DCC: variants seen among roughly 807,000 people sequenced by gnomAD.
DCC encodes the protein DCC netrin 1 receptor, also known as netrin receptor DCC.
Under a neutral mutation model 172.5 loss-of-function variants are expected in DCC, and 58 were observed. The ratio of observed to expected loss-of-function variants is 0.34; its 90% CI spans 0.27 to 0.42. The LOEUF (loss-of-function observed/expected upper bound fraction) is 0.42. Among genes scored for constraint, DCC ranks in the 10% least tolerant of loss-of-function variants. DCC has a pLI of 1.00. For missense variants in DCC, 1,740 were observed against 1,791.0 expected (o/e 0.97, Z 0.51); for synonymous variants, 709 against 644.5 (o/e 1.10, Z -1.52).
chr18:53,227,589 A>G (rs2056053745), intron 12 of DCC, among the ~76,000 whole-genome samples: 1 of 152,204 alleles, frequency 6.6e-6, no homozygotes. Flanking sequence ...TGGATTTGTC[A>G]GATACATTGA....
chr18:53,015,862 C>G (rs1290284593), intron 5 of DCC, among the ~76,000 whole-genome samples: 1 of 152,036 alleles, frequency 6.6e-6, no homozygotes, highest in Non-Finnish European at 1.5e-5. Context: ...TAAACTCTTA[C>G]TACCATTAAT....
Position 53,093,838 on chromosome 18 carries a change from G to A in DCC, c.1261+27672G>A, listed in dbSNP as rs190458797. Among the ~76,000 whole-genome samples, 33 of 152,200 alleles carry A rather than the reference G, an allele frequency of 2.2e-4. No individual in the cohort carries two copies. The East Asian group carries it at 2.7e-3, about 12-fold the overall frequency. On this transcript the variant is annotated intron_variant, in intron 7 of 28. Transcript: ENST00000442544. ...TAGGCATGACAGATTTGTATTCAGC[G>A]ATAAACGCCTGACCTTGCTCTACTC... is the stretch of plus-strand genomic sequence containing the variant.
chr18:53,163,593 G>A (rs2054874988), intron 8 of DCC, among the ~76,000 whole-genome samples: 1 of 152,116 alleles, frequency 6.6e-6, no homozygotes, highest in African/African-American at 2.4e-5. Flanking sequence ...GAATCTTTCT[G>A]ACTTGTTAAT....
chr18:52,623,987 C>T (rs1036888930), intron 1 of DCC, among the ~76,000 whole-genome samples: 1 of 152,124 alleles, frequency 6.6e-6, no homozygotes, highest in Non-Finnish European at 1.5e-5. Flanking sequence ...CCGCTTCTTT[C>T]CCTAGAAATT....
chr18:52,345,384 C>G (rs774394715), intron 1 of DCC, among the ~76,000 whole-genome samples: 7 of 152,182 alleles, frequency 4.6e-5, no homozygotes, highest in Non-Finnish European at 1.0e-4. Context: ...TCTTCTTCCC[C>G]CTCTTTTTCC....
At chr18:52,756,723 G>A (rs2037082029) in intron 2 of DCC, among the ~76,000 whole-genome samples, 1 of 152,116 alleles carries the variant, frequency 6.6e-6, no homozygotes, top group Admixed American at 6.6e-5. Context: ...AACGTTGCCA[G>A]CTATCTGAGC....
At chr18:52,573,660 C>T (rs1199813018) in intron 1 of DCC, among the ~76,000 whole-genome samples, 1 of 152,182 alleles carries the variant, frequency 6.6e-6, no homozygotes, top group Non-Finnish European at 1.5e-5. Context: ...TTCTATTTCA[C>T]TGGTTGACCT....
intron 5 of DCC, among the ~76,000 whole-genome samples, chr18:52,929,044 C>T (rs2040262314): frequency 6.6e-6 from 1 of 152,050 alleles, no homozygotes; most frequent in African/African-American, 2.4e-5. Context: ...GATCCAGGCT[C>T]CCCTCAAACC....
intron 24 of DCC, among the ~76,000 whole-genome samples, chr18:53,466,344 C>G (rs2045620749): frequency 6.6e-6 from 1 of 151,652 alleles, no homozygotes; most frequent in Non-Finnish European, 1.5e-5. Context: ...ATCCTTATTT[C>G]CCTCTTCTCT....
chr18:53,457,096 T>A (rs1023793255), intron 23 of DCC, among the ~76,000 whole-genome samples: 5 of 152,210 alleles, frequency 3.3e-5, no homozygotes, highest in Non-Finnish European at 7.3e-5. Context: ...GCTTCTTGAC[T>A]GACAGTCAGC....
At chr18:53,520,781 C>T (rs186890905) in intron 27 of DCC, among the ~76,000 whole-genome samples, 1 of 152,164 alleles carries the variant, frequency 6.6e-6, no homozygotes, top group East Asian at 1.9e-4. Context: ...CATTTATTCT[C>T]CTTAACTAAA....
At chr18:52,851,347 T>G (rs2038972779) in intron 2 of DCC, among the ~76,000 whole-genome samples, 1 of 152,256 alleles carries the variant, frequency 6.6e-6, no homozygotes, top group East Asian at 1.9e-4. Context: ...GAAAATAGTT[T>G]GTCATAAAGC....
intron 1 of DCC, among the ~76,000 whole-genome samples, chr18:52,486,392 T>C (rs2030225851): frequency 6.6e-6 from 1 of 152,112 alleles, no homozygotes; most frequent in South Asian, 2.1e-4. Context: ...TATAGATTCC[T>C]GAACAGCTAG....
chr18:53,518,973 A>G (rs2046369845), intron 27 of DCC, among the ~76,000 whole-genome samples: 1 of 152,100 alleles, frequency 6.6e-6, no homozygotes, highest in African/African-American at 2.4e-5. Context: ...ATGACAGAAC[A>G]TTTATTTTTT....
chr18:52,390,689 A>C (rs2144348109), intron 1 of DCC, among the ~76,000 whole-genome samples: 1 of 152,148 alleles, frequency 6.6e-6, no homozygotes, highest in African/African-American at 2.4e-5. Flanking sequence ...CTTAGGATGA[A>C]GGAAAGAGAA....
intron 23 of DCC, among the ~76,000 whole-genome samples, chr18:53,455,791 C>A (rs7239979): frequency 3.9e-5 from 6 of 152,222 alleles, no homozygotes. Context: ...ACTGTCATGC[C>A]GCAGTGCATG....
chr18:52,342,276 T>TGTGC (rs1020940064), intron 1 of DCC, among the ~76,000 whole-genome samples: 1 of 109,024 alleles, frequency 9.2e-6, no homozygotes, highest in African/African-American at 3.1e-5. Flanking sequence ...GGTGTGTGTG[T>TGTGC]GTGCGTGTGT....
intron 1 of DCC, among the ~76,000 whole-genome samples, chr18:52,640,392 T>C (rs1304747226): frequency 6.6e-6 from 1 of 152,150 alleles, no homozygotes; most frequent in African/African-American, 2.4e-5. Flanking sequence ...ATGAAGGGCA[T>C]CCAAATTGGT....
At chr18:53,473,314 A>G (rs2045721107) in intron 25 of DCC, among the ~76,000 whole-genome samples, 1 of 152,172 alleles carries the variant, frequency 6.6e-6, no homozygotes, top group African/African-American at 2.4e-5. Flanking sequence ...CACACATTTT[A>G]TTGTTTAATA....
Sources: allele counts gnomAD v4.1 joint callset (sites outside exome capture counted in the v4.1 genomes callset), GRCh38; gene constraint gnomAD v4.1.1; transcripts MANE v1.5; gene names NCBI Gene and HGNC (gene_info 2026-07-23, HGNC 2026-07-21).